The following KIAA1671 variants were observed in gnomAD, a reference collection of about 807,000 sequenced individuals.
KIAA1671 encodes the protein KIAA1671.
A neutral mutation model predicts 131.2 loss-of-function variants in KIAA1671; 52 were observed. The observed-to-expected ratio is 0.40, with a 90% CI of 0.32 to 0.50. KIAA1671 has a LOEUF of 0.50. KIAA1671 is among the 20% of genes least tolerant of loss of function. The pLI is 0.73. For missense variants in KIAA1671, 2,360 were observed against 2,364.2 expected, an observed-to-expected ratio of 1.00 and a Z score of 0.04; for synonymous variants, 1,003 against 961.6, an observed-to-expected ratio of 1.04 and a Z score of -0.80.
intron 11 of KIAA1671, among the ~76,000 whole-genome samples, chr22:25,188,445 C>CGGGG (rs762186172): frequency 2.6e-5 from 3 of 114,872 alleles, no homozygotes; most frequent in Non-Finnish European, 5.4e-5. Flanking sequence ...CAGAGCCAAT[C>CGGGG]GGGTGTGTGT....
chr22:25,139,153 T>C (rs1019155923), intron 6 of KIAA1671, among the ~76,000 whole-genome samples: 5 of 152,226 alleles, frequency 3.3e-5, no homozygotes, highest in African/African-American at 1.2e-4. Flanking sequence ...ATTCTGGGGA[T>C]GCTGCTTGGA....
intron 6 of KIAA1671, among the ~76,000 whole-genome samples, chr22:25,162,173 C>G (rs1333560740): frequency 6.6e-5 from 10 of 152,314 alleles, no homozygotes; most frequent in African/African-American, 2.4e-4. Flanking sequence ...ACATTGTCAG[C>G]GCTCAGGAGT....
intron 6 of KIAA1671, among the ~76,000 whole-genome samples, chr22:25,166,826 G>C (rs73882018): frequency 3.9e-5 from 6 of 152,092 alleles, no homozygotes; most frequent in Non-Finnish European, 7.4e-5. Context: ...CCTGCCCTGC[G>C]TCCCCACCCT....
At chr22:25,044,066 A>C (rs1355235725) in intron 5 of KIAA1671, among the ~76,000 whole-genome samples, 1 of 152,182 alleles carries the variant, frequency 6.6e-6, no homozygotes, top group African/African-American at 2.4e-5. Context: ...TAAGTGATGG[A>C]GTCAGGCTTT....
At chr22:24,954,382 C>T (rs1428261496) in intron 1 of KIAA1671, among the ~76,000 whole-genome samples, 2 of 152,132 alleles carry the variant, frequency 1.3e-5, no homozygotes, top group Non-Finnish European at 2.9e-5. Context: ...GGAATTTGTA[C>T]AGACACAAGC....
intron 6 of KIAA1671, among the ~76,000 whole-genome samples, chr22:25,157,341 T>C (rs1042957864): frequency 1.1e-4 from 16 of 152,278 alleles, no homozygotes; most frequent in Non-Finnish European, 1.8e-4. Flanking sequence ...TCTTTACTTT[T>C]TTCCCCCTCA....
chr22:25,032,637 G>C lies in KIAA1671; in HGVS notation c.1570G>C (p.Val524Leu). 6.5e-7 allele frequency: 1 copy of C among 1,546,768 alleles called. No individual in the cohort carries two copies. Among genetic ancestry groups the C allele is most frequent in the Non-Finnish European group, 8.7e-7 (1 of 1,143,040 alleles). Residue 524 changes from valine to leucine, a missense_variant, in exon 4 of 13, where the codon GTC (valine) becomes CTC (leucine). Physicochemically the swap from Val to Leu is conservative, Grantham distance 32 (BLOSUM62 1). Coordinates refer to ENST00000358431, the MANE Select transcript of KIAA1671 (RefSeq NM_001145206.2). ...TTCAAGTTCAGCTTCCAGCAACGAA[G>C]TCAAATATGAGAAGAGTGCTGAGCT... ...LFSSSASSNE[V>L]KYEKSAELSG... is the part of the protein sequence containing the mutation.
chr22:25,109,847 G>A (rs917713672), intron 6 of KIAA1671, among the ~76,000 whole-genome samples: 1 of 152,188 alleles, frequency 6.6e-6, no homozygotes, highest in Admixed American at 6.5e-5. Flanking sequence ...GCTGGATGTG[G>A]TGGCTCATGC....
chr22:25,083,163 G>C (rs940185030), intron 6 of KIAA1671, among the ~76,000 whole-genome samples: 4 of 152,156 alleles, frequency 2.6e-5, no homozygotes, highest in African/African-American at 9.7e-5. Context: ...CCAAGATCAA[G>C]GTGTTGGCAA....
chr22:25,038,962 G>C lies in KIAA1671; in HGVS notation c.1832G>C (p.Trp611Ser). ...GATGACCGGAGCTTCCAGACTGTGTGGGCCACAGTATTTGAGCACCACGTG... is the reference window on the plus strand; with the variant it reads ...GATGACCGGAGCTTCCAGACTGTGTCGGCCACAGTATTTGAGCACCACGTG... The part of the protein sequence containing the change: ...PEDDRSFQTV[W>S]ATVFEHHVER... Residue 611 changes from tryptophan (W) to serine (S), a missense_variant, in exon 5 of 13, where the codon TGG (tryptophan) becomes TCG (serine). By Grantham distance (177) the Trp-to-Ser change is radical. This residue lies in a region of KIAA1671 where 1,185 missense variants were observed against 1,126.2 expected (regional missense o/e 1.05). Coordinates refer to ENST00000358431, the MANE Select transcript of KIAA1671 (RefSeq NM_001145206.2). 1.3e-6 allele frequency: 2 copies of C among 1,551,770 alleles called. No individual in the cohort carries two copies. The highest frequency in any genetic ancestry group is 1.7e-6 in the Non-Finnish European group (2 of 1,147,026).
intron 6 of KIAA1671, chr22:25,063,881 T>C (rs1928316564): frequency 6.6e-6 from 1 of 152,194 alleles, no homozygotes; most frequent in African/African-American, 2.4e-5. Context: ...TTAGGCTGTT[T>C]CCTCAACTGT....
At chr22:25,137,458 G>A (rs1932728460) in intron 6 of KIAA1671, among the ~76,000 whole-genome samples, 1 of 152,218 alleles carries the variant, frequency 6.6e-6, no homozygotes, top group Admixed American at 6.5e-5. Flanking sequence ...TATTCATGAT[G>A]ACTGTCCTTT....
At position 25,039,973 on chromosome 22, in the gene KIAA1671, G is replaced by A. The variant is rs1264456859; in HGVS notation, c.2843G>A (p.Arg948Gln). The A allele has an allele frequency of 1.3e-5, 20 of 1,551,108 alleles. No homozygotes were observed. The highest frequency in any genetic ancestry group is 6.0e-5 in the South Asian group (5 of 84,028). Reference protein sequence around the residue: ...GAMDQRMDRWRRRTLPPNVKF... With the variant: ...GAMDQRMDRWQRRTLPPNVKF... ...ATGGACCAGAGAATGGACAGATGGC[G>A]GCGGCGGACTTTACCCCCCAACGTG... is the stretch of plus-strand genomic sequence containing the variant. Residue 948 changes from arginine to glutamine, a missense_variant, in exon 5 of 13, where the codon CGG (arginine) becomes CAG (glutamine). This residue lies in a region of KIAA1671 where 1,161 missense variants were observed against 1,204.7 expected (regional missense o/e 0.96). Coordinates refer to ENST00000358431, the MANE Select transcript of KIAA1671 (RefSeq NM_001145206.2).
At chr22:25,021,558 C>T (rs1925668756) in intron 1 of KIAA1671, among the ~76,000 whole-genome samples, 1 of 151,078 alleles carries the variant, frequency 6.6e-6, no homozygotes, top group Non-Finnish European at 1.5e-5. Context: ...CTGCTGTGTC[C>T]CTAGCGCCTG....
intron 6 of KIAA1671, among the ~76,000 whole-genome samples, chr22:25,127,586 G>A (rs1932245926): frequency 1.3e-5 from 2 of 151,830 alleles, no homozygotes; most frequent in South Asian, 4.2e-4. Flanking sequence ...CCACCCCTAA[G>A]TTGCTACTTG....
At position 24,999,744 on chromosome 22, in the gene KIAA1671, G is replaced by A. The variant is rs1259719897; in HGVS notation, c.-207-25889G>A. On this transcript the variant is annotated intron_variant, in intron 1 of 12. Coordinates refer to ENST00000358431, the MANE Select transcript of KIAA1671 (RefSeq NM_001145206.2). ...TGCCTGGCTAACTGTTCAGTTTTTT[G>A]CAAAGACAGGGTCTCATCATATTGT... Among the ~76,000 whole-genome samples, 3 of 147,330 alleles carry A rather than the reference G, an allele frequency of 2.0e-5. 1 individual carries two copies. The highest frequency in any genetic ancestry group is 4.5e-5 in the Non-Finnish European group (3 of 67,060).
chr22:25,195,230 C>T lies in KIAA1671; in HGVS notation c.*2829C>T, dbSNP rs1406268401. ...CCTTTGCACATCAGCATTTTAACAGCTGATCTTTTGAGAAGCCTGTATCTT... is the reference window on the plus strand; with the variant it reads ...CCTTTGCACATCAGCATTTTAACAGTTGATCTTTTGAGAAGCCTGTATCTT... On this transcript the variant is annotated 3_prime_UTR_variant, in exon 13 of 13. Coordinates refer to ENST00000358431, the MANE Select transcript of KIAA1671 (RefSeq NM_001145206.2). 6.6e-6 allele frequency: 1 copy of T among 152,190 alleles called. No individual in the cohort carries two copies. The highest frequency in any genetic ancestry group is 1.5e-5 in the Non-Finnish European group (1 of 68,046). 9.4% of individuals were successfully genotyped at this position (152,190 alleles called of 1,614,324 possible).
chr22:25,158,622 T>G (rs1176277916), intron 6 of KIAA1671, among the ~76,000 whole-genome samples: 1 of 151,860 alleles, frequency 6.6e-6, no homozygotes, highest in African/African-American at 2.4e-5. Context: ...GACCAAGGAG[T>G]ACTTCCTGGG....
At chr22:25,132,768 T>C (rs1383109788) in intron 6 of KIAA1671, among the ~76,000 whole-genome samples, 1 of 152,082 alleles carries the variant, frequency 6.6e-6, no homozygotes, top group African/African-American at 2.4e-5. Flanking sequence ...CCTTAATGAG[T>C]GTTCCATGGA....
Sources: gnomAD v4.1 joint callset for allele counts (sites outside exome capture counted in the v4.1 genomes callset) on GRCh38, gnomAD v4.1.1 for gene constraint, gnomAD v4.1.1 regional missense constraint, MANE v1.5 for transcripts, NCBI Gene and HGNC (gene_info 2026-07-23, HGNC 2026-07-21) for gene names.